The following MGAT4D variants were observed in gnomAD, a reference collection of about 807,000 sequenced individuals.
MGAT4D encodes the protein MGAT4 family member D.
In MGAT4D, 34 loss-of-function variants were observed where a neutral mutation model predicts 15.9. That is an observed-to-expected ratio of 2.14 (90% CI 1.62 to 2.84). The LOEUF is 2.84. Ranked by LOEUF, MGAT4D falls within the 30% of genes most tolerant of loss-of-function variation. The probability of loss-of-function intolerance (pLI) is 0.00; values close to 1 mark genes in which losing one functional copy is unlikely to be tolerated. For synonymous variants in MGAT4D, 112 were observed against 48.2 expected, an observed-to-expected ratio of 2.33 and a Z score of -5.49; for missense variants, 327 against 140.2, an observed-to-expected ratio of 2.33 and a Z score of -6.73.
At chr4:140,449,218 ATT>A (rs1560762448) in intron 10 of MGAT4D, among the ~76,000 whole-genome samples, 1 of 152,210 alleles carries the variant, frequency 6.6e-6, no homozygotes, top group Non-Finnish European at 1.5e-5. Context: ...ATGTGGAAAT[ATT>A]TTGTTTCCAA....
chr4:140,474,742 T>C, intron 4 of MGAT4D, 71 bp downstream of exon 4: 1 of 497,238 alleles, frequency 2.0e-6, no homozygotes, highest in Non-Finnish European at 3.5e-6. Context: ...ACAATGATTA[T>C]TACCATTGAG....
Position 140,461,878 on chromosome 4 carries a change from T to C in MGAT4D, c.762+51A>G, listed in dbSNP as rs57877701. On this transcript the variant is annotated intron_variant, in intron 7 of 10. Transcript: ENST00000511113. ...TATCTATCTACAGATATAATTGGTGTATACACACACACACACACACACACA... is the reference window on the plus strand; with the variant it reads ...TATCTATCTACAGATATAATTGGTGCATACACACACACACACACACACACA... 196 of 516,124 alleles carry C rather than the reference T, an allele frequency of 3.8e-4. 1 individual carries two copies. The African/African-American group carries it at 4.6e-3, about 12-fold the overall frequency. 32.0% of individuals were successfully genotyped at this position (516,124 alleles called of 1,614,324 possible).
intron 2 of MGAT4D, among the ~76,000 whole-genome samples, chr4:140,480,053 A>G (rs1732595856): frequency 6.6e-6 from 1 of 152,172 alleles, no homozygotes; most frequent in African/African-American, 2.4e-5. Context: ...CAATTTTGAA[A>G]AAGAAAATGT....
At chr4:140,457,798 T>C (rs1391053176) in intron 8 of MGAT4D, 2 of 152,330 alleles carry the variant, frequency 1.3e-5, no homozygotes, top group East Asian at 3.9e-4. Context: ...GACTAATCCA[T>C]CAGCAAGATT....
intron 6 of MGAT4D, among the ~76,000 whole-genome samples, chr4:140,464,568 T>G (rs997359703): frequency 2.6e-5 from 4 of 152,192 alleles, no homozygotes; most frequent in African/African-American, 7.2e-5. Context: ...ATACCTTTGC[T>G]AATTATTGTC....
intron 1 of MGAT4D, among the ~76,000 whole-genome samples, chr4:140,489,306 A>G (rs1026381160): frequency 2.0e-5 from 3 of 152,206 alleles, no homozygotes; most frequent in African/African-American, 7.2e-5. Flanking sequence ...AAATCAAACT[A>G]TGTACTAAGC....
At chr4:140,490,682 C>T (rs551771845) in intron 1 of MGAT4D, among the ~76,000 whole-genome samples, 23 of 152,316 alleles carry the variant, frequency 1.5e-4, no homozygotes, top group African/African-American at 5.5e-4. Context: ...TTCTCAAAAG[C>T]CAGTGTTAAA....
intron 5 of MGAT4D, among the ~76,000 whole-genome samples, chr4:140,469,215 C>T (rs1731749146): frequency 6.6e-6 from 1 of 152,130 alleles, no homozygotes; most frequent in Non-Finnish European, 1.5e-5. Flanking sequence ...ATATAATGAA[C>T]CCCAAATCAG....
At chr4:140,480,728 AACACACACACACACACAC>A (rs10615827) in intron 2 of MGAT4D, among the ~76,000 whole-genome samples, 12,188 of 125,640 alleles carry the variant, frequency 0.097, 635 homozygotes, top group East Asian at 0.17. Context: ...CTCATCTCTA[AACACACACACACACACAC>A]ACACACACAC....
intron 7 of MGAT4D, among the ~76,000 whole-genome samples, chr4:140,459,889 T>C (rs536625085): frequency 6.8e-6 from 1 of 147,978 alleles, no homozygotes; most frequent in South Asian, 2.2e-4. Flanking sequence ...CGTGCCACCA[T>C]GTCTGGCTAA....
At chr4:140,489,035 T>G (rs1361082369) in intron 1 of MGAT4D, among the ~76,000 whole-genome samples, 1 of 152,136 alleles carries the variant, frequency 6.6e-6, no homozygotes, top group Non-Finnish European at 1.5e-5. Flanking sequence ...CATTACCCAG[T>G]CTCAGATATT....
chr4:140,461,809 AATT>A (rs141138404), intron 7 of MGAT4D, 117 bp downstream of exon 7: 78,493 of 438,680 alleles, frequency 0.18, 7,415 homozygotes, highest in Admixed American at 0.23. Context: ...AGGAAGAAGA[AATT>A]ATAGGAAGGA....
At chr4:140,467,384 A>C (rs991651937) in intron 5 of MGAT4D, among the ~76,000 whole-genome samples, 1 of 152,174 alleles carries the variant, frequency 6.6e-6, no homozygotes, top group Non-Finnish European at 1.5e-5. Context: ...GGTAAAGGGA[A>C]ATAACATCAA....
intron 10 of MGAT4D, among the ~76,000 whole-genome samples, chr4:140,448,063 C>T (rs1230948499): frequency 6.6e-6 from 1 of 152,234 alleles, no homozygotes; most frequent in Non-Finnish European, 1.5e-5. Context: ...AGGGTTTCAA[C>T]TGAGAGGTCT....
chr4:140,443,294 C>A lies in MGAT4D; in HGVS notation c.*142G>T, dbSNP rs772948865. 1.2e-5 allele frequency: 4 copies of A among 320,096 alleles called. No homozygotes were observed. The highest frequency in any genetic ancestry group is 2.2e-5 in the African/African-American group (1 of 46,422). 19.8% of individuals were successfully genotyped at this position (320,096 alleles called of 1,614,324 possible). ...TCTTGACATAAGAAGTCATTTAGTA[C>A]TTTCAAGTCTACTAGTTTATGCATT... On this transcript the variant is annotated 3_prime_UTR_variant, in exon 11 of 11. Transcript: ENST00000511113.
At chr4:140,494,564 C>T (rs60783387) in intron 1 of MGAT4D, among the ~76,000 whole-genome samples, 12,974 of 152,202 alleles carry the variant, frequency 0.085, 557 homozygotes, top group South Asian at 0.11. Context: ...TATCCAACTG[C>T]CTATTCAACA....
intron 10 of MGAT4D, among the ~76,000 whole-genome samples, chr4:140,450,300 G>C (rs1010160791): frequency 6.6e-6 from 1 of 152,094 alleles, no homozygotes; most frequent in Non-Finnish European, 1.5e-5. Context: ...CAAAGGTGAG[G>C]TTAAAATATC....
intron 1 of MGAT4D, among the ~76,000 whole-genome samples, chr4:140,489,974 G>T (rs1733396985): frequency 6.6e-6 from 1 of 152,100 alleles, no homozygotes; most frequent in South Asian, 2.1e-4. Context: ...TACTAGTAGT[G>T]GAATTCCTAA....
intron 1 of MGAT4D, among the ~76,000 whole-genome samples, chr4:140,497,310 A>C (rs1376523332): frequency 6.6e-6 from 1 of 152,244 alleles, no homozygotes; most frequent in African/African-American, 2.4e-5. Context: ...CTTGAATGCT[A>C]AAATTTTACA....
Sources: gnomAD v4.1 joint callset for allele counts (sites outside exome capture counted in the v4.1 genomes callset) on GRCh38, gnomAD v4.1.1 for gene constraint, MANE v1.5 for transcripts, NCBI Gene and HGNC (gene_info 2026-07-23, HGNC 2026-07-21) for gene names.